APC: variants seen among roughly 807,000 people sequenced by gnomAD.
APC encodes APC regulator of Wnt signaling pathway.
In APC, 72 loss-of-function variants were observed where a neutral mutation model predicts 247.0. The ratio of observed to expected loss-of-function variants is 0.29; its 90% confidence interval spans 0.24 to 0.35. The LOEUF (loss-of-function observed/expected upper bound fraction) is 0.35. Ranked by LOEUF, APC falls within the 10% of genes least tolerant of loss-of-function variation. APC has a pLI of 1.00. For missense variants in APC, 3,400 were observed against 3,360.7 expected (o/e 1.01, Z -0.29); for synonymous variants, 1,254 against 1,162.5 (o/e 1.08, Z -1.60).
intron 1 of APC, among the ~76,000 whole-genome samples, chr5:112,710,514 T>A (rs1750787182): frequency 6.6e-6 from 1 of 152,128 alleles, no homozygotes; most frequent in Admixed American, 6.5e-5. Context: ...AACTGTCCAT[T>A]TTCACTTCCT....
At chr5:112,795,727 T>C (rs896822787) in intron 7 of APC, among the ~76,000 whole-genome samples, 76 of 152,250 alleles carry the variant, frequency 5.0e-4, no homozygotes, top group African/African-American at 1.8e-3. Flanking sequence ...CACTTTTAGA[T>C]AGGCAAAGTG....
chr5:112,767,163 TA>T, intron 3 of APC, 25 bp from the exon 4 acceptor site: 1 of 1,570,194 alleles, frequency 6.4e-7, no homozygotes, highest in Non-Finnish European at 8.8e-7. Context: ...AATTGTTGTA[TA>T]AAAACTTGTT....
At chr5:112,799,508 A>G (rs1451111655) in intron 7 of APC, among the ~76,000 whole-genome samples, 1 of 152,080 alleles carries the variant, frequency 6.6e-6, no homozygotes, top group Non-Finnish European at 1.5e-5. Flanking sequence ...ACTGTCTCAC[A>G]CTTATATTAA....
At chr5:112,738,875 T>C (rs1752648695) in intron 1 of APC, among the ~76,000 whole-genome samples, 2 of 152,254 alleles carry the variant, frequency 1.3e-5, no homozygotes, top group Admixed American at 1.3e-4. Context: ...AATTCTTTGA[T>C]TTAACATAAA....
chr5:112,708,921 A>T (rs1300227070), intron 1 of APC, among the ~76,000 whole-genome samples: 1 of 152,226 alleles, frequency 6.6e-6, no homozygotes, highest in Non-Finnish European at 1.5e-5. Context: ...ATAACGTAGT[A>T]CCTTGCCAGA....
chr5:112,779,327 G>C (rs973037129), intron 5 of APC, among the ~76,000 whole-genome samples: 2 of 152,178 alleles, frequency 1.3e-5, no homozygotes, highest in Admixed American at 6.5e-5. Flanking sequence ...TCTACATGAA[G>C]TCAGGTTCAG....
At chr5:112,715,795 GT>G (rs1008714713) in intron 1 of APC, among the ~76,000 whole-genome samples, 1 of 152,054 alleles carries the variant, frequency 6.6e-6, no homozygotes, top group Non-Finnish European at 1.5e-5. Context: ...GGGAGGAAAG[GT>G]TTTTAATTAT....
At chr5:112,802,401 T>C (rs1057080706) in intron 8 of APC, among the ~76,000 whole-genome samples, 5 of 152,120 alleles carry the variant, frequency 3.3e-5, no homozygotes, top group African/African-American at 7.2e-5. Context: ...GTCTTTTGTT[T>C]AGGGAATTAG....
At chr5:112,812,930 T>C (rs1402124068) in intron 8 of APC, among the ~76,000 whole-genome samples, 3 of 152,122 alleles carry the variant, frequency 2.0e-5, no homozygotes, top group African/African-American at 7.2e-5. Flanking sequence ...TGATGCCTCT[T>C]TTCCCTTCCC....
chr5:112,730,351 G>C (rs1216330644), intron 1 of APC, among the ~76,000 whole-genome samples: 2 of 152,198 alleles, frequency 1.3e-5, no homozygotes, highest in African/African-American at 4.8e-5. Context: ...TGCTCTGAAA[G>C]GTACCTTAGT....
chr5:112,791,249 C>T (rs1759548382), intron 6 of APC, among the ~76,000 whole-genome samples: 1 of 152,076 alleles, frequency 6.6e-6, no homozygotes, highest in Admixed American at 6.5e-5. Flanking sequence ...TTGATGGTCT[C>T]CATATAGTGG....
intron 1 of APC, among the ~76,000 whole-genome samples, chr5:112,751,190 A>G (rs1206775307): frequency 1.3e-5 from 2 of 152,100 alleles, no homozygotes; most frequent in African/African-American, 4.8e-5. Context: ...GATGATTAAC[A>G]TCTTATATAT....
rs2149989447 is a variant in APC, at chr5:112,843,145, T to C, written c.7551T>C (p.Tyr2517=). ...LPPNLSPTIE[Y]NDGRPAKRHD... is the part of the protein sequence containing the mutation. ...CTAATCTCAGTCCCACTATAGAGTA[T>C]AATGATGGAAGACCAGCAAAGCGCC... The change falls in exon 16 of 16, where the codon TAT becomes TAC. Residue 2517 remains tyrosine (Y), a synonymous_variant. Coordinates refer to ENST00000257430, the MANE Select transcript of APC (RefSeq NM_000038.6). This position sits in a 1 kb window ranked among gnomAD's most constrained non-coding sequence, Gnocchi z 4.8. The C allele has an allele frequency of 1.9e-6, 3 of 1,613,946 alleles. No individual in the cohort carries two copies. The highest frequency in any genetic ancestry group is 2.5e-6 in the Non-Finnish European group (3 of 1,179,846).
intron 1 of APC, among the ~76,000 whole-genome samples, chr5:112,743,882 TTTTG>T (rs1035799124): frequency 1.3e-5 from 2 of 152,180 alleles, no homozygotes; most frequent in African/African-American, 4.8e-5. Flanking sequence ...TTTGGTGTTT[TTTTG>T]TTTGTTGGTT....
Position 112,844,402 on chromosome 5 carries a change from C to T in APC, c.*276C>T, listed in dbSNP as rs1766807524. The T allele has an allele frequency of 2.6e-6, 1 of 378,768 alleles. No homozygotes were observed. Among genetic ancestry groups the T allele is most frequent in the African/African-American group, 2.1e-5 (1 of 47,984 alleles). 23.5% of individuals were successfully genotyped at this position (378,768 alleles called of 1,614,324 possible). A position where few individuals can be genotyped will look rare whatever the true frequency, so the allele number is the denominator to read the frequency against. ...TATTTAAAGTAGCATCCCATCCCAA[C>T]TTCCTTTAATTATTGCTTGTCTTAA... On this transcript the variant is annotated 3_prime_UTR_variant, in exon 16 of 16. Transcript: ENST00000257430.
Position 112,838,342 on chromosome 5 carries a change from AGAT to A in APC, c.2751_2753del (p.Asp917del). On this transcript the variant is annotated inframe_deletion, in exon 16 of 16. Transcript: ENST00000257430. ...CTACCACTGAATTACATTGTGTGAC[AGAT>A]GAGAGAAATGCACTTAGAAGAAGCT... 1.2e-6 allele frequency: 2 copies of A among 1,614,246 alleles called. No homozygotes were observed. Among genetic ancestry groups the A allele is most frequent in the South Asian group, 1.1e-5 (1 of 91,088 alleles).
chr5:112,737,224 G>C (rs1363804456), upstream of APC, among the ~76,000 whole-genome samples: 2 of 152,142 alleles, frequency 1.3e-5, no homozygotes, highest in East Asian at 1.9e-4. Flanking sequence ...CTGTACTTCT[G>C]TTCCCGTTTT....
At position 112,767,418 on chromosome 5, in the gene APC, G is replaced by A. The variant is rs1187148740; in HGVS notation, c.422+28G>A. 3 of 1,533,926 alleles carry A rather than the reference G, an allele frequency of 2.0e-6. No individual in the cohort carries two copies. The South Asian group carries it at 3.4e-5, about 17-fold the overall frequency. On this transcript the variant is annotated intron_variant, in intron 4 of 15. Coordinates refer to ENST00000257430, the MANE Select transcript of APC (RefSeq NM_000038.6). ...AACTTTTCTTCATATAGTAAACATT[G>A]CCTTGTGTACTCCAGTTTATTGTTA...
chr5:112,811,247 A>G (rs1761956552), intron 8 of APC, among the ~76,000 whole-genome samples: 1 of 152,240 alleles, frequency 6.6e-6, no homozygotes, highest in African/African-American at 2.4e-5. Flanking sequence ...CTATCTTTGG[A>G]CAATGAGCAA....
Sources: gnomAD v4.1 joint callset for allele counts (sites outside exome capture counted in the v4.1 genomes callset) on GRCh38, gnomAD v4.1.1 for gene constraint, Gnocchi (gnomAD v3.1) non-coding constraint, MANE v1.5 for transcripts, NCBI Gene and HGNC (gene_info 2026-07-23, HGNC 2026-07-21) for gene names.